KIAA1549L: variants seen among roughly 807,000 people sequenced by gnomAD.
KIAA1549L encodes the protein UPF0606 protein KIAA1549L.
Under a neutral mutation model 160.7 loss-of-function variants are expected in KIAA1549L, and 88 were observed. The observed-to-expected ratio is 0.55, with a 90% CI of 0.46 to 0.65. The LOEUF is 0.65. Ranked by LOEUF, KIAA1549L falls within the 30% of genes least tolerant of loss-of-function variation. KIAA1549L has a pLI of 0.00. For synonymous variants in KIAA1549L, 950 were observed against 976.7 expected, an observed-to-expected ratio of 0.97 and a Z score of 0.51; for missense variants, 2,258 against 2,437.5, an observed-to-expected ratio of 0.93 and a Z score of 1.55.
At chr11:33,377,067 GA>G (rs1297007724) in intron 1 of KIAA1549L, among the ~76,000 whole-genome samples, 178 bp downstream of exon 1, 3 of 151,172 alleles carry the variant, frequency 2.0e-5, no homozygotes, top group Non-Finnish European at 4.4e-5. Flanking sequence ...GGGCGGGGAA[GA>G]AAAAAAAAGG....
At chr11:33,649,684 TTA>T (rs1394651570) in intron 17 of KIAA1549L, among the ~76,000 whole-genome samples, 2 of 151,836 alleles carry the variant, frequency 1.3e-5, no homozygotes, top group African/African-American at 4.8e-5. Context: ...CAAGCCTTTG[TTA>T]ATGAGGAAAT....
At chr11:33,639,303 T>G (rs367637519) in intron 16 of KIAA1549L, among the ~76,000 whole-genome samples, 47 of 152,248 alleles carry the variant, frequency 3.1e-4, no homozygotes, top group African/African-American at 1.1e-3. Flanking sequence ...AAAACAACAT[T>G]AAAAGAATTC....
intron 16 of KIAA1549L, among the ~76,000 whole-genome samples, chr11:33,629,266 T>C (rs1851208049): frequency 6.6e-6 from 1 of 152,172 alleles, no homozygotes; most frequent in African/African-American, 2.4e-5. Flanking sequence ...ATTATATGTC[T>C]TGGAGTTGCT....
intron 1 of KIAA1549L, among the ~76,000 whole-genome samples, chr11:33,436,278 G>A (rs909283251): frequency 4.6e-5 from 7 of 152,120 alleles, no homozygotes; most frequent in East Asian, 1.9e-4. Flanking sequence ...ACTGGCTCAC[G>A]CAATTATGGA....
intron 1 of KIAA1549L, among the ~76,000 whole-genome samples, chr11:33,436,306 C>G (rs1469118808): frequency 6.6e-6 from 1 of 152,160 alleles, no homozygotes; most frequent in African/African-American, 2.4e-5. Flanking sequence ...AGCCCAAGAT[C>G]AGCAATTGGC....
At chr11:33,399,171 T>G (rs1463886946) in intron 1 of KIAA1549L, among the ~76,000 whole-genome samples, 1 of 152,178 alleles carries the variant, frequency 6.6e-6, no homozygotes, top group African/African-American at 2.4e-5. Flanking sequence ...CAGGCTTGTC[T>G]CGAACTCCTG....
rs1376190112 is a variant in KIAA1549L, at chr11:33,670,143, G to C, written c.*1989G>C. 6.6e-6 allele frequency: 1 copy of C among 152,222 alleles called. No individual in the cohort carries two copies. Among genetic ancestry groups the C allele is most frequent in the African/African-American group, 2.4e-5 (1 of 41,456 alleles). 9.4% of individuals were successfully genotyped at this position (152,222 alleles called of 1,614,324 possible). On this transcript the variant is annotated 3_prime_UTR_variant, in exon 21 of 21. Transcript: ENST00000658780. ...CAGCCTGTTCATGCAAATGGTATGA[G>C]TCTGATAAAATCAGCTACATTGTCC...
intron 16 of KIAA1549L, among the ~76,000 whole-genome samples, chr11:33,628,294 A>C (rs1156485067): frequency 6.6e-6 from 1 of 151,976 alleles, no homozygotes; most frequent in Admixed American, 6.6e-5. Context: ...GTAGATGTCT[A>C]TTAGGTCCGC....
chr11:33,546,515 C>T (rs1854270129), intron 3 of KIAA1549L, among the ~76,000 whole-genome samples: 1 of 152,188 alleles, frequency 6.6e-6, no homozygotes, highest in African/African-American at 2.4e-5. Flanking sequence ...TCCTATTTCA[C>T]ACTGCCACTT....
intron 1 of KIAA1549L, among the ~76,000 whole-genome samples, chr11:33,506,286 C>T (rs1853085686): frequency 6.6e-6 from 1 of 152,182 alleles, no homozygotes; most frequent in African/African-American, 2.4e-5. Context: ...TTGTCTTCCT[C>T]ATTGCTCTCC....
chr11:33,474,543 A>G (rs577677082), intron 1 of KIAA1549L, among the ~76,000 whole-genome samples: 102 of 152,296 alleles, frequency 6.7e-4, no homozygotes, highest in African/African-American at 2.4e-3. Flanking sequence ...GACTGAGAGA[A>G]AGAGCACCCA....
chr11:33,607,101 G>T (rs1850527168), intron 14 of KIAA1549L, among the ~76,000 whole-genome samples: 1 of 152,154 alleles, frequency 6.6e-6, no homozygotes, highest in Non-Finnish European at 1.5e-5. Flanking sequence ...CAGGCGTCCT[G>T]CTCCCCGACC....
chr11:33,520,639 A>G (rs1853460857), intron 1 of KIAA1549L, among the ~76,000 whole-genome samples: 1 of 150,504 alleles, frequency 6.6e-6, no homozygotes, highest in African/African-American at 2.4e-5. Flanking sequence ...AGGATTATCC[A>G]TTAGACCCAG....
intron 17 of KIAA1549L, among the ~76,000 whole-genome samples, chr11:33,648,018 T>C (rs1851774329): frequency 6.6e-6 from 1 of 152,164 alleles, no homozygotes; most frequent in South Asian, 2.1e-4. Flanking sequence ...AGACTGAGTC[T>C]CACTCTGTCA....
At chr11:33,596,664 G>A (rs928164680) in intron 12 of KIAA1549L, among the ~76,000 whole-genome samples, 3 of 152,178 alleles carry the variant, frequency 2.0e-5, no homozygotes, top group Non-Finnish European at 1.5e-5. Flanking sequence ...ACTCGAACTC[G>A]GGAAACGGAG....
chr11:33,405,351 CAA>C (rs1374115714), intron 1 of KIAA1549L, among the ~76,000 whole-genome samples: 11 of 151,748 alleles, frequency 7.2e-5, no homozygotes, highest in Non-Finnish European at 1.5e-4. Flanking sequence ...AGCGAGATAA[CAA>C]AAAAGACATT....
chr11:33,536,834 A>T (rs144754869), intron 1 of KIAA1549L, among the ~76,000 whole-genome samples: 216 of 152,280 alleles, frequency 1.4e-3, no homozygotes, highest in Non-Finnish European at 2.5e-3. Context: ...CGTCGTCTTG[A>T]GCCTGGACCA....
chr11:33,540,828 A>G (rs1322777445), intron 1 of KIAA1549L, among the ~76,000 whole-genome samples: 1 of 152,232 alleles, frequency 6.6e-6, no homozygotes, highest in Non-Finnish European at 1.5e-5. Context: ...TGAGCTGGGC[A>G]TATGATTACG....
chr11:33,543,851 C>G lies in KIAA1549L; in HGVS notation c.2288C>G (p.Ala763Gly). 1 of 1,614,046 alleles carries G rather than the reference C, an allele frequency of 6.2e-7. No individual in the cohort carries two copies. The change falls in exon 2 of 21, where the codon GCT (alanine) becomes GGT (glycine). Residue 763 changes from alanine (A) to glycine (G), a missense_variant. Coordinates refer to ENST00000658780, the MANE Select transcript of KIAA1549L (RefSeq NM_012194.3). ...AAATCTCAGGATTTCAAAGATACTG[C>G]TGGGCATTCAGTGACTGCAGAAGGG... ...AIKSQDFKDT[A>G]GHSVTAEGFS...
Sources: allele counts gnomAD v4.1 joint callset (sites outside exome capture counted in the v4.1 genomes callset), GRCh38; gene constraint gnomAD v4.1.1; transcripts MANE v1.5; gene names NCBI Gene and HGNC (gene_info 2026-07-23, HGNC 2026-07-21).